WDPCP: variants seen among roughly 807,000 people sequenced by gnomAD.
WDPCP encodes WD repeat-containing and planar cell polarity effector protein fritz homolog.
Under a neutral mutation model 93.1 loss-of-function variants are expected in WDPCP, and 71 were observed. The observed-to-expected ratio is 0.76, with a 90% CI of 0.63 to 0.93. The LOEUF is 0.93. WDPCP is among the 40% of genes least tolerant of loss of function. The pLI, the probability that WDPCP is intolerant of heterozygous loss-of-function variation, is 0.00. For missense variants in WDPCP, 844 were observed against 887.4 expected (o/e 0.95, Z 0.62); for synonymous variants, 315 against 315.0 (o/e 1.00, Z 0.00).
chr2:63,421,686 T>G (rs531723960), intron 9 of WDPCP, among the ~76,000 whole-genome samples: 2 of 152,280 alleles, frequency 1.3e-5, no homozygotes, highest in African/African-American at 4.8e-5. Flanking sequence ...TACTACAGAT[T>G]TTTAATGTCT....
chr2:63,275,937 C>T (rs940644638), intron 13 of WDPCP, among the ~76,000 whole-genome samples: 3 of 72,520 alleles, frequency 4.1e-5, no homozygotes, highest in African/African-American at 2.6e-4. Flanking sequence ...ACCAAGAAAG[C>T]TGAGAGAATC....
intron 15 of WDPCP, 81 bp downstream of exon 15, chr2:63,174,589 C>T: frequency 6.4e-7 from 1 of 1,572,414 alleles, no homozygotes; most frequent in Non-Finnish European, 8.7e-7. Flanking sequence ...TTGAAATATT[C>T]TTGCTTTGCT....
the WDPCP span, among the ~76,000 whole-genome samples, chr2:63,839,237 GATC>G: frequency 6.6e-6 from 1 of 152,204 alleles, no homozygotes; most frequent in East Asian, 1.9e-4. Context: ...TACAGTAACT[GATC>G]ATCGTTTCTT....
At chr2:63,660,127 G>A (rs1484434721) in intron 2 of WDPCP, among the ~76,000 whole-genome samples, 1 of 151,944 alleles carries the variant, frequency 6.6e-6, no homozygotes, top group African/African-American at 2.4e-5. Flanking sequence ...ATAATGATAA[G>A]CTGTAACTTA....
chr2:63,396,924 T>C (rs1056681358), intron 10 of WDPCP, among the ~76,000 whole-genome samples: 1 of 152,178 alleles, frequency 6.6e-6, no homozygotes, highest in African/African-American at 2.4e-5. Context: ...TATTTGGTTT[T>C]CGTTCCTGCA....
At chr2:63,538,071 C>T (rs1053666609) in intron 1 of WDPCP, among the ~76,000 whole-genome samples, 2 of 151,732 alleles carry the variant, frequency 1.3e-5, no homozygotes, top group African/African-American at 4.8e-5. Context: ...TTTTTAATTT[C>T]AGATAGGTCA....
intron 14 of WDPCP, among the ~76,000 whole-genome samples, chr2:63,178,194 T>C (rs1002430596): frequency 6.6e-6 from 1 of 152,214 alleles, no homozygotes; most frequent in Non-Finnish European, 1.5e-5. Flanking sequence ...TGTCTTCATC[T>C]GGCTTTGTTA....
intron 2 of WDPCP, among the ~76,000 whole-genome samples, chr2:63,777,377 C>T (rs1479926970): frequency 6.6e-6 from 1 of 152,168 alleles, no homozygotes; most frequent in Non-Finnish European, 1.5e-5. Context: ...TAAAATGTCA[C>T]AGCCATTTTG....
intron 6 of WDPCP, among the ~76,000 whole-genome samples, chr2:63,484,189 T>C (rs913505047): frequency 2.6e-5 from 4 of 152,018 alleles, no homozygotes; most frequent in African/African-American, 4.8e-5. Context: ...TAACTGTATG[T>C]AGTCGGCTTG....
At chr2:63,729,971 C>T (rs1053736529) in intron 2 of WDPCP, among the ~76,000 whole-genome samples, 40 of 152,098 alleles carry the variant, frequency 2.6e-4, no homozygotes, top group African/African-American at 8.2e-4. Context: ...CATTTATTTA[C>T]GCATAGTGAG....
At chr2:63,741,498 T>G (rs895377738) in intron 2 of WDPCP, among the ~76,000 whole-genome samples, 1 of 152,132 alleles carries the variant, frequency 6.6e-6, no homozygotes, top group African/African-American at 2.4e-5. Flanking sequence ...GCTTAATGTT[T>G]ACTTTCTTTG....
At chr2:63,313,054 A>G (rs1283543863) in intron 13 of WDPCP, among the ~76,000 whole-genome samples, 194 bp downstream of exon 13, 3 of 152,202 alleles carry the variant, frequency 2.0e-5, no homozygotes, top group Admixed American at 2.0e-4. Flanking sequence ...AGCAAACAAA[A>G]TGTCAACAAA....
At chr2:63,305,695 T>G (rs969150897) in intron 13 of WDPCP, among the ~76,000 whole-genome samples, 2 of 151,692 alleles carry the variant, frequency 1.3e-5, no homozygotes, top group Non-Finnish European at 2.9e-5. Flanking sequence ...CAAAACTGGA[T>G]GGAGAATGAG....
chr2:63,405,303 T>C (rs1694479421), intron 9 of WDPCP, among the ~76,000 whole-genome samples: 1 of 152,302 alleles, frequency 6.6e-6, no homozygotes, highest in South Asian at 2.1e-4. Context: ...AGAAATAATG[T>C]AATGTACTAG....
chr2:63,382,344 G>C (rs1201819831), intron 10 of WDPCP, among the ~76,000 whole-genome samples: 1 of 151,980 alleles, frequency 6.6e-6, no homozygotes, highest in Non-Finnish European at 1.5e-5. Flanking sequence ...AACAAAGATT[G>C]GGGGGTGGCA....
intron 2 of WDPCP, among the ~76,000 whole-genome samples, chr2:63,796,101 T>C (rs1056729957): frequency 6.6e-5 from 10 of 152,200 alleles, no homozygotes; most frequent in African/African-American, 2.4e-4. Context: ...TTAAAAAAGA[T>C]ACAAGAGAGT....
chr2:63,622,841 C>T lies in WDPCP; in HGVS notation n.488+27818G>A, dbSNP rs570834472. The T allele has an allele frequency of 1.4e-5, 22 of 1,603,018 alleles. No homozygotes were observed. The South Asian group carries it at 1.8e-4, about 13-fold the overall frequency. ...GGAAATACTTAACCATCGTCCTGGCCGAAGTGGGCTCAGCACCCGCGCAGC... is the reference window on the plus strand; with the variant it reads ...GGAAATACTTAACCATCGTCCTGGCTGAAGTGGGCTCAGCACCCGCGCAGC... On this transcript the variant is annotated intron_variant and non_coding_transcript_variant, in intron 3 of 4. Coordinates refer to the WDPCP transcript ENST00000467687.
rs1195554187 is a variant in WDPCP, at chr2:63,804,862, T to C, written n.308+8760A>G. ...GGCCAACATGGTGAAACCCCGTCTC[T>C]ACTAAAAATATAAAAATTAGCCTGG... On this transcript the variant is annotated intron_variant and non_coding_transcript_variant, in intron 2 of 4. Coordinates refer to the WDPCP transcript ENST00000467687. 3.3e-5 allele frequency among the ~76,000 whole-genome samples: 5 copies of C among 151,820 alleles called. No individual in the cohort carries two copies. In the East Asian group the frequency reaches 9.8e-4, roughly 30 times the overall value.
At chr2:63,724,048 T>C (rs1170718293) in intron 2 of WDPCP, among the ~76,000 whole-genome samples, 3 of 152,200 alleles carry the variant, frequency 2.0e-5, no homozygotes, top group African/African-American at 4.8e-5. Flanking sequence ...ATCTAGCATA[T>C]AGCTATGTCC....
Sources: gnomAD v4.1 joint callset for allele counts (sites outside exome capture counted in the v4.1 genomes callset) on GRCh38, gnomAD v4.1.1 for gene constraint, MANE v1.5 for transcripts, NCBI Gene and HGNC (gene_info 2026-07-23, HGNC 2026-07-21) for gene names.